PDE10A: variants seen among roughly 807,000 people sequenced by gnomAD.
PDE10A encodes phosphodiesterase 10A.
A neutral mutation model predicts 97.7 loss-of-function variants in PDE10A; 39 were observed. The observed-to-expected ratio is 0.40, with a 90% confidence interval of 0.31 to 0.52. The LOEUF is 0.52. PDE10A is among the 20% of genes least tolerant of loss of function. The probability of loss-of-function intolerance (pLI) is 0.56; values close to 1 mark genes in which losing one functional copy is unlikely to be tolerated. For missense variants in PDE10A, 731 were observed against 1,047.8 expected, an observed-to-expected ratio of 0.70 and a Z score of 4.17; for synonymous variants, 371 against 376.8, an observed-to-expected ratio of 0.98 and a Z score of 0.18.
chr6:165,342,073 A>G (rs757802002), intron 19 of PDE10A, among the ~76,000 whole-genome samples: 2 of 152,242 alleles, frequency 1.3e-5, no homozygotes, highest in Admixed American at 6.5e-5. Context: ...AAGTGTGTAT[A>G]TAAGTTTTGA....
intron 1 of PDE10A, among the ~76,000 whole-genome samples, chr6:165,766,107 C>G (rs1414746073): frequency 6.6e-6 from 1 of 152,182 alleles, no homozygotes; most frequent in African/African-American, 2.4e-5. Flanking sequence ...TTAGTCCCGC[C>G]GTCCCCTCAG....
chr6:165,890,560 A>T (rs1313467748), intron 1 of PDE10A, among the ~76,000 whole-genome samples: 1 of 152,160 alleles, frequency 6.6e-6, no homozygotes, highest in East Asian at 1.9e-4. Context: ...TTACCGCCAG[A>T]GTTACAAGTC....
chr6:165,424,453 T>C lies in PDE10A; in HGVS notation c.1653+4205A>G, dbSNP rs182804021. ...GTGAATGAAAACTTGAAGGATCCAA[T>C]GTCATAGAAGAAATTGAAAAGAGAA... On this transcript the variant is annotated intron_variant, in intron 10 of 21. Transcript: ENST00000539869. 3.5e-4 allele frequency among the ~76,000 whole-genome samples: 53 copies of C among 152,068 alleles called. 1 individual carries two copies. Among genetic ancestry groups the C allele is most frequent in the African/African-American group, 1.2e-3 (49 of 41,486 alleles).
chr6:165,597,608 CATAAACA>C (rs1488059928), intron 1 of PDE10A, among the ~76,000 whole-genome samples: 11 of 152,154 alleles, frequency 7.2e-5, no homozygotes, highest in South Asian at 4.1e-4. Flanking sequence ...AAACGTAGCA[CATAAACA>C]AAGACTTACG....
intron 1 of PDE10A, among the ~76,000 whole-genome samples, chr6:165,703,333 A>G (rs1791627318): frequency 6.6e-6 from 1 of 152,150 alleles, no homozygotes; most frequent in African/African-American, 2.4e-5. Flanking sequence ...CCTTTCATAT[A>G]GAGAGTGGGA....
intron 1 of PDE10A, among the ~76,000 whole-genome samples, chr6:165,974,009 A>C (rs1784776115): frequency 6.6e-6 from 1 of 152,222 alleles, no homozygotes; most frequent in African/African-American, 2.4e-5. Flanking sequence ...CATTTGAATC[A>C]GTCCATTAAA....
intron 3 of PDE10A, among the ~76,000 whole-genome samples, chr6:165,454,489 G>A (rs559681614): frequency 1.7e-4 from 26 of 152,230 alleles, no homozygotes; most frequent in African/African-American, 4.6e-4. Flanking sequence ...TGATGGCCCC[G>A]TCTTCATAAA....
rs1783858363 is a variant in PDE10A at position 165,367,448 on chromosome 6, CAG to C, written c.2783+11744_2783+11745del. 2.0e-5 allele frequency among the ~76,000 whole-genome samples: 3 copies of C among 152,132 alleles called. No homozygotes were observed. The South Asian group carries it at 6.2e-4, about 32-fold the overall frequency. On this transcript the variant is annotated intron_variant, in intron 18 of 21. Coordinates refer to ENST00000539869, the MANE Select transcript of PDE10A (RefSeq NM_001385079.1). ...GTATAAAGGGGTCTAACAGAAGTGTCAGAGTCTCAGAAGAAAAGAGACATAAT... is the reference window on the plus strand; with the variant it reads ...GTATAAAGGGGTCTAACAGAAGTGTCAGTCTCAGAAGAAAAGAGACATAAT...
intron 10 of PDE10A, among the ~76,000 whole-genome samples, chr6:165,420,305 C>T (rs1483880477): frequency 6.6e-6 from 1 of 152,042 alleles, no homozygotes; most frequent in Non-Finnish European, 1.5e-5. Context: ...GAGAGTATGG[C>T]CCACAAAGCA....
chr6:165,376,773 G>T (rs1406898043), intron 18 of PDE10A, among the ~76,000 whole-genome samples: 3 of 152,146 alleles, frequency 2.0e-5, no homozygotes, highest in Non-Finnish European at 2.9e-5. Flanking sequence ...AAAAAAATTA[G>T]CTGGGCATGG....
intron 1 of PDE10A, among the ~76,000 whole-genome samples, chr6:165,924,645 T>C (rs1782873192): frequency 6.6e-6 from 1 of 152,166 alleles, no homozygotes; most frequent in Non-Finnish European, 1.5e-5. Context: ...AGAATACTAG[T>C]GGTGGGCCAG....
At chr6:165,778,792 G>A (rs1253978981) in intron 1 of PDE10A, among the ~76,000 whole-genome samples, 1 of 151,924 alleles carries the variant, frequency 6.6e-6, no homozygotes, top group Non-Finnish European at 1.5e-5. Context: ...ACTGACCACT[G>A]GAGTTTTTTC....
chr6:165,694,694 C>A (rs180733266), intron 1 of PDE10A, among the ~76,000 whole-genome samples: 3 of 152,310 alleles, frequency 2.0e-5, no homozygotes, highest in African/African-American at 7.2e-5. Context: ...CAGCTGTAAG[C>A]TCCTATGTGT....
rs1784515407 is a variant in PDE10A at position 165,561,365 on chromosome 6, T to C, written c.866-17797A>G. On this transcript the variant is annotated intron_variant, in intron 1 of 21. Transcript: ENST00000539869. ...CATGCTTCCTATGCAGCCTCCAGAA[T>C]TGAGTCAATTAAACCTCTTCTTCAT... is the stretch of plus-strand genomic sequence containing the variant. Among the ~76,000 whole-genome samples, 6 of 152,166 alleles carry C rather than the reference T, an allele frequency of 3.9e-5. No homozygotes were observed. In the South Asian group the frequency reaches 8.3e-4, roughly 21 times the overall value.
At chr6:165,543,782 GC>G (rs1044138797) in intron 1 of PDE10A, among the ~76,000 whole-genome samples, 6 of 152,086 alleles carry the variant, frequency 3.9e-5, no homozygotes, top group African/African-American at 1.4e-4. Flanking sequence ...GGTGAATACT[GC>G]CCAACATTGG....
chr6:165,761,542 T>C (rs1343115491), intron 1 of PDE10A, among the ~76,000 whole-genome samples: 1 of 152,194 alleles, frequency 6.6e-6, no homozygotes, highest in African/African-American at 2.4e-5. Flanking sequence ...AGCCTGGCTT[T>C]TTCTTTAAAT....
chr6:165,937,181 G>T (rs889349701), intron 1 of PDE10A, among the ~76,000 whole-genome samples: 2 of 152,166 alleles, frequency 1.3e-5, no homozygotes, highest in Non-Finnish European at 2.9e-5. Flanking sequence ...GTAACCCACT[G>T]GGCTTGGCCA....
chr6:165,738,034 C>G (rs974744272), intron 1 of PDE10A, among the ~76,000 whole-genome samples: 1 of 150,934 alleles, frequency 6.6e-6, no homozygotes, highest in Non-Finnish European at 1.5e-5. Flanking sequence ...TATTATACTT[C>G]AAGTTTTAGG....
At chr6:165,958,773 C>A (rs957280366) in intron 1 of PDE10A, among the ~76,000 whole-genome samples, 19 of 120,154 alleles carry the variant, frequency 1.6e-4, no homozygotes, top group African/African-American at 5.2e-4. Context: ...AAGAAGAAAG[C>A]AAGCCAGCCA....
Sources: allele counts gnomAD v4.1 joint callset (sites outside exome capture counted in the v4.1 genomes callset), GRCh38; gene constraint gnomAD v4.1.1; transcripts MANE v1.5; gene names NCBI Gene and HGNC (gene_info 2026-07-23, HGNC 2026-07-21).